KCNN1: variants seen among roughly 807,000 people sequenced by gnomAD.
The protein encoded by KCNN1 is small conductance calcium-activated potassium channel protein 1.
Under a neutral mutation model 44.7 loss-of-function variants are expected in KCNN1, and 20 were observed. The ratio of observed to expected loss-of-function variants is 0.45; its 90% CI spans 0.32 to 0.65. The LOEUF (loss-of-function observed/expected upper bound fraction) is 0.65, where lower values mean the gene tolerates loss of function less well. KCNN1 is among the 30% of genes least tolerant of loss of function. The probability of loss-of-function intolerance (pLI) is 0.05; values close to 1 mark genes in which losing one functional copy is unlikely to be tolerated. For synonymous variants in KCNN1, 324 were observed against 341.7 expected, an observed-to-expected ratio of 0.95 and a Z score of 0.57; for missense variants, 632 against 785.3, an observed-to-expected ratio of 0.80 and a Z score of 2.33.
rs1268450107 is a variant in KCNN1 at position 17,996,011 on chromosome 19, A to G, written c.1378-2141A>G. ...TGTATATATACTGTATTCTTACAGT[A>G]AGGTATGGTAGAGAAAGGAAAATAT... On this transcript the variant is annotated intron_variant, in intron 9 of 9. Coordinates refer to ENST00000684775, the MANE Select transcript of KCNN1 (RefSeq NM_001386974.1). Among the ~76,000 whole-genome samples, 3 of 152,078 alleles carry G rather than the reference A, an allele frequency of 2.0e-5. No homozygotes were observed. In the East Asian group the frequency reaches 5.8e-4, roughly 29 times the overall value.
At chr19:17,965,784 C>G (rs1415887605), upstream of KCNN1, among the ~76,000 whole-genome samples, 1 of 152,166 alleles carries the variant, frequency 6.6e-6, no homozygotes, top group African/African-American at 2.4e-5. Flanking sequence ...GTGGATCTGA[C>G]CGGGACCACC....
At chr19:17,977,389 T>C (rs1298945782) in intron 3 of KCNN1, among the ~76,000 whole-genome samples, 1 of 151,872 alleles carries the variant, frequency 6.6e-6, no homozygotes, top group Non-Finnish European at 1.5e-5. Flanking sequence ...TCACCCACAC[T>C]GGAATGCCGT....
intron 2 of KCNN1, among the ~76,000 whole-genome samples, chr19:17,957,316 A>C (rs2031570918): frequency 6.7e-6 from 1 of 149,532 alleles, no homozygotes; most frequent in Admixed American, 6.7e-5. Flanking sequence ...GGGAGAGAGA[A>C]AAAAAGAAGG....
In KCNN1 at chr19:17,974,466, G is replaced by A. The variant is rs2032139551; in HGVS notation, c.402+176G>A. Among the ~76,000 whole-genome samples, 1 of 152,170 alleles carries A rather than the reference G, an allele frequency of 6.6e-6. No individual in the cohort carries two copies. Among genetic ancestry groups the A allele is most frequent in the Non-Finnish European group, 1.5e-5 (1 of 68,014 alleles). ...CCACCTCCAGGAAGGTAGCAGGGAG[G>A]CTACACATGGAGAAGGAAGGTTCCA... On this transcript the variant is annotated intron_variant, in intron 2 of 9. Transcript: ENST00000684775. This position sits in a 1 kb window ranked among gnomAD's most constrained non-coding sequence, Gnocchi z 7.3.
chr19:17,981,769 T>G lies in KCNN1; in HGVS notation c.559T>G (p.Phe187Val). The change falls in exon 4 of 10, where the codon TTC becomes GTC. Residue 187 changes from phenylalanine (F) to valine (V), a missense_variant. Phe to Val is a conservative substitution (Grantham distance 50). Transcript: ENST00000684775. ...CATCGCCATGACCTGCGAGCGCGTG[T>G]TCCTCATCTCGCTAGAGCTGGCAGT... ...WRIAMTCERV[F>V]LISLELAVCA... 6.2e-7 allele frequency: 1 copy of G among 1,611,364 alleles called. No homozygotes were observed. Among genetic ancestry groups the G allele is most frequent in the Non-Finnish European group, 8.5e-7 (1 of 1,178,090 alleles).
At chr19:17,964,334 G>T (rs185464349), upstream of KCNN1, among the ~76,000 whole-genome samples, 1 of 152,084 alleles carries the variant, frequency 6.6e-6, no homozygotes, top group Non-Finnish European at 1.5e-5. This position sits in a 1 kb window ranked among gnomAD's most constrained non-coding sequence, Gnocchi z 4.3. Flanking sequence ...TCCCTGCTCC[G>T]GCCACTACCT....
At chr19:17,975,471 A>G (rs572229887) in intron 3 of KCNN1, among the ~76,000 whole-genome samples, 104 of 152,182 alleles carry the variant, frequency 6.8e-4, no homozygotes, top group Non-Finnish European at 1.3e-3. Context: ...TCCAGGCTGG[A>G]GTGCAGTGGT....
rs1010916886 is a variant in KCNN1, at chr19:17,967,157, T to TGCC, written c.-232_-230dup. 1.6e-5 allele frequency: 15 copies of TGCC among 957,878 alleles called. No homozygotes were observed. Among genetic ancestry groups the TGCC allele is most frequent in the African/African-American group, 3.6e-5 (2 of 56,132 alleles). The allele number at this position is 957,878 out of a possible 1,614,324, so 59.3% of individuals were successfully genotyped here. Reference sequence around the variant, plus strand: ...TGGACTGGGCGGCGGGGGATGCGCCTGCCGCCGCCGCCCCCGGCCCCGCCG... The same window carrying TGCC: ...TGGACTGGGCGGCGGGGGATGCGCCTGCCGCCGCCGCCGCCCCCGGCCCCGCCG... On this transcript the variant is annotated 5_prime_UTR_variant, in exon 1 of 10. Transcript: ENST00000684775.
chr19:17,990,162 C>G (rs111244283), intron 7 of KCNN1: 182 of 502,442 alleles, frequency 3.6e-4, no homozygotes, highest in African/African-American at 2.8e-3. Context: ...ATAGTTAAAT[C>G]CATGGTCTGA....
rs575649418 is a variant in KCNN1, at chr19:17,998,145, C to A, written c.1378-7C>A. The A allele has an allele frequency of 8.3e-5, 132 of 1,581,142 alleles. 1 individual carries two copies. The South Asian group carries it at 1.4e-3, about 17-fold the overall frequency. On this transcript the variant is annotated splice_region_variant and splice_polypyrimidine_tract_variant and intron_variant, in intron 9 of 9. Transcript: ENST00000684775. The surrounding 1 kb of genome is among the most constrained non-coding windows in gnomAD (Gnocchi z 5.4). Reference sequence around the variant, plus strand: ...GCCTCTCTCCTGCCCCTCTCTGTCTCCCGCAGACCCAGACCGTCATGTACG... The same window carrying A: ...GCCTCTCTCCTGCCCCTCTCTGTCTACCGCAGACCCAGACCGTCATGTACG...
At chr19:17,962,400 C>G (rs558300115), upstream of KCNN1, among the ~76,000 whole-genome samples, 2 of 152,138 alleles carry the variant, frequency 1.3e-5, no homozygotes, top group African/African-American at 4.8e-5. Context: ...CTTTTTCCTC[C>G]GTGTTCTGTC....
chr19:17,989,397 G>A (rs1461835728), intron 6 of KCNN1, among the ~76,000 whole-genome samples: 2 of 152,192 alleles, frequency 1.3e-5, no homozygotes, highest in Non-Finnish European at 2.9e-5. Flanking sequence ...GGTGGAGGTC[G>A]CAGTGAGGCA....
intron 4 of KCNN1, chr19:17,982,430 TG>T: frequency 2.1e-6 from 1 of 474,610 alleles, no homozygotes; most frequent in Non-Finnish European, 2.8e-6. Flanking sequence ...CTCGGCTCCC[TG>T]GGAGGCTGAC....
Position 17,988,504 on chromosome 19 carries a change from G to A in KCNN1, c.1149G>A (p.Met383Ile). ...AGAAGCACGTGCACAACTTCATGAT[G>A]GACACTCAGCTCACCAAGCGGGTGA... ...KAEKHVHNFM[M>I]DTQLTKRVKN... The change falls in exon 6 of 10, where the codon ATG becomes ATA. Residue 383 changes from methionine to isoleucine, a missense_variant. This residue lies in a region of KCNN1 where 237 missense variants were observed against 253.0 expected (regional missense o/e 0.94). Coordinates refer to ENST00000684775, the MANE Select transcript of KCNN1 (RefSeq NM_001386974.1). The A allele has an allele frequency of 1.2e-6, 2 of 1,613,736 alleles. No individual in the cohort carries two copies. Among genetic ancestry groups the A allele is most frequent in the Non-Finnish European group, 1.7e-6 (2 of 1,179,810 alleles).
chr19:17,996,945 G>A (rs536505909), intron 9 of KCNN1, among the ~76,000 whole-genome samples: 2 of 152,344 alleles, frequency 1.3e-5, no homozygotes, highest in African/African-American at 4.8e-5. Context: ...ATCCTCCCAC[G>A]GAGGCCGCCG....
At chr19:17,980,405 A>C (rs1009020501) in intron 3 of KCNN1, among the ~76,000 whole-genome samples, 25 of 151,880 alleles carry the variant, frequency 1.6e-4, no homozygotes, top group African/African-American at 6.0e-4. Flanking sequence ...GGAGGTTGTG[A>C]ATAGTGCCGT....
At position 17,988,518 on chromosome 19, in the gene KCNN1, C is replaced by G; in HGVS notation, c.1163C>G (p.Thr388Ser). ...AACTTCATGATGGACACTCAGCTCACCAAGCGGGTGAGGACCGCGGTTCCC... is the reference window on the plus strand; with the variant it reads ...AACTTCATGATGGACACTCAGCTCAGCAAGCGGGTGAGGACCGCGGTTCCC... ...VHNFMMDTQL[T>S]KRVKNAAANV... The change falls in exon 6 of 10, where the codon ACC becomes AGC. Residue 388 changes from threonine (T) to serine (S), a missense_variant. By Grantham distance (58) the Thr-to-Ser change is moderately conservative. Transcript: ENST00000684775. 1 of 1,613,202 alleles carries G rather than the reference C, an allele frequency of 6.2e-7. No individual in the cohort carries two copies. The highest frequency in any genetic ancestry group is 8.5e-7 in the Non-Finnish European group (1 of 1,179,434).
rs1175693508 is a variant in KCNN1, at chr19:17,993,568, G to A, written c.1377+9G>A. 3 of 1,613,024 alleles carry A rather than the reference G, an allele frequency of 1.9e-6. No homozygotes were observed. Among genetic ancestry groups the A allele is most frequent in the Admixed American group, 1.7e-5 (1 of 59,990 alleles). The stretch of plus-strand genomic sequence containing the variant: ...TTACCGACCTAGCCAAGGTGAGTGG[G>A]TTGGGGCAGGGTGGGCCAGACAGGG... On this transcript the variant is annotated intron_variant, in intron 9 of 9. Transcript: ENST00000684775. This position sits in a 1 kb window ranked among gnomAD's most constrained non-coding sequence, Gnocchi z 4.5.
In KCNN1 at chr19:17,998,264, A is replaced by G. The variant is rs2033068530; in HGVS notation, c.1490A>G (p.Gln497Arg). Residue 497 changes from glutamine (Q) to arginine (R), a missense_variant, in exon 10 of 10, where the codon CAG (glutamine) becomes CGG (arginine). By Grantham distance (43) the Gln-to-Arg change is conservative. Coordinates refer to ENST00000684775, the MANE Select transcript of KCNN1 (RefSeq NM_001386974.1). The surrounding 1 kb of genome is among the most constrained non-coding windows in gnomAD (Gnocchi z 5.4). ...SRLDALGASL[Q>R]ALPGLIAQAI... is the part of the protein sequence containing the mutation. ...TTGGATGCGCTGGGTGCCTCTCTAC[A>G]GGCCCTGCCTGGCCTCATCGCCCAA... 1.3e-6 allele frequency: 2 copies of G among 1,561,526 alleles called. No individual in the cohort carries two copies. Among genetic ancestry groups the G allele is most frequent in the East Asian group, 2.4e-5 (1 of 41,796 alleles).
Sources: gnomAD v4.1 joint callset for allele counts (sites outside exome capture counted in the v4.1 genomes callset) on GRCh38, gnomAD v4.1.1 for gene constraint, gnomAD v4.1.1 regional missense constraint, Gnocchi (gnomAD v3.1) non-coding constraint, MANE v1.5 for transcripts, NCBI Gene and HGNC (gene_info 2026-07-23, HGNC 2026-07-21) for gene names.